ZNF341: variants seen among roughly 807,000 people sequenced by gnomAD.
ZNF341 encodes zinc finger protein 341.
Under a neutral mutation model 87.7 loss-of-function variants are expected in ZNF341, and 52 were observed. The observed-to-expected ratio is 0.59, with a 90% CI of 0.47 to 0.75. The LOEUF is 0.75. Among genes scored for constraint, ZNF341 ranks in the 30% least tolerant of loss-of-function variants. The probability of loss-of-function intolerance (pLI) is 0.00; values close to 1 mark genes in which losing one functional copy is unlikely to be tolerated. For synonymous variants in ZNF341, 459 were observed against 472.7 expected, an observed-to-expected ratio of 0.97 and a Z score of 0.38; for missense variants, 977 against 1,145.9, an observed-to-expected ratio of 0.85 and a Z score of 2.13.
rs776169461 is a variant in ZNF341, at chr20:33,740,955, G to A, written c.85G>A (p.Ala29Thr). 7 of 1,614,204 alleles carry A rather than the reference G, an allele frequency of 4.3e-6. No individual in the cohort carries two copies. The highest frequency in any genetic ancestry group is 2.2e-5 in the East Asian group (1 of 44,884). The change falls in exon 2 of 15, where the codon GCA (alanine) becomes ACA (threonine). Residue 29 changes from alanine to threonine, a missense_variant. Around this residue, in one of 3 missense-constraint regions of ZNF341, gnomAD observed 515 missense variants for 598.2 expected, o/e 0.86. Transcript: ENST00000375200. ...CCAGTCATTATTGGATGGCCAAGGA[G>A]CAGTCCCTGATCCGACAGGCCAGAG... ...AVQSLLDGQG[A>T]VPDPTGQSVN...
intron 13 of ZNF341, 67 bp downstream of exon 13, chr20:33,789,041 G>T: frequency 7.9e-7 from 1 of 1,267,166 alleles, no homozygotes; most frequent in Non-Finnish European, 1.1e-6. Context: ...CTGCTGGGGA[G>T]GGTGGGACAG....
At chr20:33,754,140 C>T (rs2019122147) in intron 5 of ZNF341, among the ~76,000 whole-genome samples, 1 of 152,162 alleles carries the variant, frequency 6.6e-6, no homozygotes, top group Admixed American at 6.5e-5. Flanking sequence ...GATCACAAGT[C>T]CAGCTTAGAT....
intron 8 of ZNF341, among the ~76,000 whole-genome samples, chr20:33,763,365 A>G (rs2019335538): frequency 6.6e-6 from 1 of 152,112 alleles, no homozygotes; most frequent in Non-Finnish European, 1.5e-5. Flanking sequence ...CAGTAGTGCT[A>G]TCAGCTCACT....
intron 7 of ZNF341, among the ~76,000 whole-genome samples, chr20:33,760,224 G>A (rs556467196): frequency 5.5e-4 from 84 of 151,996 alleles, no homozygotes; most frequent in Non-Finnish European, 8.4e-4. Context: ...CCAACATGGT[G>A]AAACCCCGTC....
intron 2 of ZNF341, among the ~76,000 whole-genome samples, chr20:33,741,929 A>G (rs1316007612): frequency 1.3e-5 from 2 of 152,202 alleles, no homozygotes; most frequent in Non-Finnish European, 1.5e-5. Flanking sequence ...TCTGCCTCAT[A>G]GGAATCTTAT....
At chr20:33,773,688 A>G (rs1017303560) in intron 10 of ZNF341, among the ~76,000 whole-genome samples, 13 of 152,182 alleles carry the variant, frequency 8.5e-5, no homozygotes, top group African/African-American at 3.1e-4. Context: ...TACTCAATAA[A>G]TGTTATTGCT....
intron 8 of ZNF341, among the ~76,000 whole-genome samples, chr20:33,764,328 C>T (rs923230933): frequency 2.0e-5 from 3 of 150,258 alleles, no homozygotes; most frequent in African/African-American, 7.3e-5. Flanking sequence ...CGCCTGGCCC[C>T]CATCTCTATT....
chr20:33,738,875 G>C (rs76114899), intron 1 of ZNF341, among the ~76,000 whole-genome samples: 1 of 152,248 alleles, frequency 6.6e-6, no homozygotes, highest in Non-Finnish European at 1.5e-5. Flanking sequence ...GGGGAGGGCT[G>C]CGCTGGCAGC....
chr20:33,788,825 T>C, intron 12 of ZNF341, 38 bp from the exon 13 acceptor site: 1 of 1,586,310 alleles, frequency 6.3e-7, no homozygotes, highest in Non-Finnish European at 8.6e-7. Context: ...TGCCGACTCC[T>C]GGTGAGTGCT....
intron 2 of ZNF341, among the ~76,000 whole-genome samples, chr20:33,742,928 T>C (rs2018833709): frequency 6.6e-6 from 1 of 152,216 alleles, no homozygotes; most frequent in Non-Finnish European, 1.5e-5. Flanking sequence ...ATTTGTATTA[T>C]TGTATAAGAA....
intron 12 of ZNF341, chr20:33,788,506 A>G (rs561145437): frequency 4.2e-4 from 130 of 311,410 alleles, no homozygotes; most frequent in South Asian, 4.1e-3. Flanking sequence ...CGCTGCCCTC[A>G]CCTTCTGCCT....
chr20:33,751,889 G>T (rs1318724976), intron 4 of ZNF341, among the ~76,000 whole-genome samples: 1 of 152,150 alleles, frequency 6.6e-6, no homozygotes, highest in African/African-American at 2.4e-5. Context: ...GTTTCTGTTA[G>T]GGATTGGTCA....
intron 10 of ZNF341, among the ~76,000 whole-genome samples, chr20:33,777,318 ATC>A: frequency 1.1e-5 from 1 of 90,096 alleles, no homozygotes. Flanking sequence ...GTGAGACCCT[ATC>A]TCAAAAAAAA....
chr20:33,754,813 C>CA (rs2019141362), intron 5 of ZNF341, among the ~76,000 whole-genome samples: 1 of 152,342 alleles, frequency 6.6e-6, no homozygotes, highest in African/African-American at 2.4e-5. Flanking sequence ...TGTCTGACCT[C>CA]AGTCTGCGCT....
chr20:33,732,072 G>T lies in ZNF341; in HGVS notation c.31+20G>T. 2 of 1,264,596 alleles carry T rather than the reference G, an allele frequency of 1.6e-6. No individual in the cohort carries two copies. Among genetic ancestry groups the T allele is most frequent in the Non-Finnish European group, 1.0e-6 (1 of 1,000,224 alleles). The allele number at this position is 1,264,596 out of a possible 1,614,324, so 78.3% of individuals were successfully genotyped here. ...TGGAGGGTGAGCGGCGGCGGGGCCG[G>T]CGGAGGCGGCTGTTCCGCGCTGCGC... is the stretch of plus-strand genomic sequence containing the variant. On this transcript the variant is annotated intron_variant, in intron 1 of 14. Transcript: ENST00000375200. This position sits in a 1 kb window ranked among gnomAD's most constrained non-coding sequence, Gnocchi z 4.5.
In ZNF341 at chr20:33,732,134, G is replaced by A. The variant is rs2122613064; in HGVS notation, c.31+82G>A. The stretch of plus-strand genomic sequence containing the variant: ...GCGCCCTCGCAGCGCCCGGCCTAGG[G>A]CGCGCAGCGGCCGCGGGGCGGAGGG... On this transcript the variant is annotated intron_variant, in intron 1 of 14. Coordinates refer to ENST00000375200, the MANE Select transcript of ZNF341 (RefSeq NM_001282933.2). The surrounding 1 kb of genome is among the most constrained non-coding windows in gnomAD (Gnocchi z 4.5). The A allele has an allele frequency of 2.0e-6, 2 of 1,011,446 alleles. No individual in the cohort carries two copies. Among genetic ancestry groups the A allele is most frequent in the South Asian group, 9.1e-5 (2 of 22,076 alleles). 62.7% of individuals were successfully genotyped at this position (1,011,446 alleles called of 1,614,324 possible). A position where few individuals can be genotyped will look rare whatever the true frequency, so the allele number is the denominator to read the frequency against.
intron 10 of ZNF341, among the ~76,000 whole-genome samples, chr20:33,778,676 T>G (rs1278205642): frequency 6.6e-6 from 1 of 152,218 alleles, no homozygotes; most frequent in East Asian, 1.9e-4. Context: ...GGGGCTCCCC[T>G]GGGCCCTTCG....
At chr20:33,762,287 T>G (rs1251471114) in intron 8 of ZNF341, among the ~76,000 whole-genome samples, 1 of 152,102 alleles carries the variant, frequency 6.6e-6, no homozygotes, top group Non-Finnish European at 1.5e-5. Flanking sequence ...CACCTACCCA[T>G]TTTTTGCTGA....
Position 33,758,845 on chromosome 20 carries a change from T to C in ZNF341, c.1028+39T>C, listed in dbSNP as rs182387483. ...GTGAGGCAGGTGGCTCCTGGGCAGG[T>C]GTGGCTGGGACCATCTGTGCTGGAA... On this transcript the variant is annotated intron_variant, in intron 7 of 14. Coordinates refer to ENST00000375200, the MANE Select transcript of ZNF341 (RefSeq NM_001282933.2). 3.7e-5 allele frequency: 58 copies of C among 1,574,646 alleles called. No individual in the cohort carries two copies. In the East Asian group the frequency reaches 6.7e-4, roughly 18 times the overall value.
Sources: gnomAD v4.1 joint callset for allele counts (sites outside exome capture counted in the v4.1 genomes callset) on GRCh38, gnomAD v4.1.1 for gene constraint, gnomAD v4.1.1 regional missense constraint, Gnocchi (gnomAD v3.1) non-coding constraint, MANE v1.5 for transcripts, NCBI Gene and HGNC (gene_info 2026-07-23, HGNC 2026-07-21) for gene names.